The following ELMO1 variants were observed in gnomAD, a reference collection of about 807,000 sequenced individuals.
ELMO1 encodes the protein engulfment and cell motility 1, also known as engulfment and cell motility protein 1.
ELMO1 carries 26 observed loss-of-function variants against 98.9 expected under a neutral mutation model. The observed-to-expected ratio is 0.26, with a 90% CI of 0.19 to 0.36. ELMO1 has a LOEUF of 0.36. ELMO1 is among the 10% of genes least tolerant of loss of function. ELMO1 has a pLI of 1.00. For missense variants in ELMO1, 627 were observed against 935.2 expected (o/e 0.67, Z 4.30); for synonymous variants, 346 against 346.0 (o/e 1.00, Z 0.00).
At chr7:37,334,492 A>G (rs1280944302) in intron 2 of ELMO1, among the ~76,000 whole-genome samples, 1 of 152,180 alleles carries the variant, frequency 6.6e-6, no homozygotes, top group African/African-American at 2.4e-5. Context: ...TTGGTGTTAT[A>G]CAGTGCTGGA....
chr7:36,907,543 AC>A (rs1471891778), intron 16 of ELMO1, among the ~76,000 whole-genome samples: 1 of 152,140 alleles, frequency 6.6e-6, no homozygotes, highest in Non-Finnish European at 1.5e-5. Context: ...GAAGTCAGTG[AC>A]CCCAAGCAAG....
chr7:37,295,767 C>T (rs1797996494), intron 4 of ELMO1, among the ~76,000 whole-genome samples: 1 of 152,112 alleles, frequency 6.6e-6, no homozygotes, highest in Admixed American at 6.5e-5. Context: ...ATTGTATCAA[C>T]ATTAATATGT....
intron 16 of ELMO1, among the ~76,000 whole-genome samples, chr7:36,929,556 TGCTTTATGGTCTTCCA>T (rs1357932503): frequency 1.8e-4 from 28 of 152,340 alleles, no homozygotes; most frequent in African/African-American, 6.3e-4. Flanking sequence ...TTATTAAGCA[TGCTTTATGGTCTTCCA>T]GCTCAGTGTT....
intron 16 of ELMO1, among the ~76,000 whole-genome samples, chr7:36,938,794 G>A (rs889033337): frequency 1.6e-4 from 24 of 151,282 alleles, no homozygotes; most frequent in Admixed American, 4.6e-4. Context: ...TACCTAGAAT[G>A]TAAGGTCCAT....
At chr7:37,200,811 C>CA (rs1792249421) in intron 13 of ELMO1, among the ~76,000 whole-genome samples, 1 of 151,676 alleles carries the variant, frequency 6.6e-6, no homozygotes, top group African/African-American at 2.4e-5. Context: ...ACCACAAATA[C>CA]AAAAAAATAG....
chr7:37,291,144 G>A (rs1268771523), intron 4 of ELMO1, among the ~76,000 whole-genome samples: 1 of 152,026 alleles, frequency 6.6e-6, no homozygotes, highest in East Asian at 1.9e-4. Flanking sequence ...AATAAACAGT[G>A]GTAAGACAAC....
intron 13 of ELMO1, among the ~76,000 whole-genome samples, chr7:37,210,081 T>C (rs1384996105): frequency 6.6e-6 from 1 of 151,654 alleles, no homozygotes; most frequent in Non-Finnish European, 1.5e-5. Context: ...GAAACACTAC[T>C]GGAGAGAGTT....
chr7:37,188,525 T>TAAA (rs1294709913), intron 13 of ELMO1, among the ~76,000 whole-genome samples: 2 of 128,678 alleles, frequency 1.6e-5, no homozygotes, highest in Non-Finnish European at 3.3e-5. Context: ...ATAATAATAA[T>TAAA]AACTAAGAGC....
chr7:37,166,618 G>T (rs898252764), intron 13 of ELMO1, among the ~76,000 whole-genome samples: 12 of 152,138 alleles, frequency 7.9e-5, no homozygotes, highest in Non-Finnish European at 1.5e-4. Context: ...TCAGGAGCAG[G>T]TTGTTCAGTT....
At chr7:37,054,394 A>G (rs1450122615) in intron 15 of ELMO1, among the ~76,000 whole-genome samples, 1 of 152,198 alleles carries the variant, frequency 6.6e-6, no homozygotes, top group Admixed American at 6.5e-5. Flanking sequence ...TGCATAAGAC[A>G]TGGCCTGTAT....
chr7:37,307,112 T>C (rs1255515309), intron 4 of ELMO1, among the ~76,000 whole-genome samples: 1 of 152,240 alleles, frequency 6.6e-6, no homozygotes, highest in East Asian at 1.9e-4. Context: ...AATCCATTTC[T>C]CCTTCTTAAA....
intron 2 of ELMO1, among the ~76,000 whole-genome samples, chr7:37,331,895 A>G (rs1307403000): frequency 9.4e-6 from 1 of 106,712 alleles, no homozygotes; most frequent in Non-Finnish European, 1.9e-5. Context: ...TATGGGTTTG[A>G]GGTGGGAGGA....
intron 13 of ELMO1, among the ~76,000 whole-genome samples, chr7:37,165,163 T>C (rs985709827): frequency 1.3e-5 from 2 of 152,228 alleles, no homozygotes; most frequent in African/African-American, 2.4e-5. Context: ...ACAAGAATGC[T>C]TGTGATTTTT....
intron 13 of ELMO1, among the ~76,000 whole-genome samples, chr7:37,207,475 T>C (rs867399677): frequency 6.6e-6 from 1 of 151,504 alleles, no homozygotes; most frequent in Non-Finnish European, 1.5e-5. Context: ...TCCTTGAACC[T>C]GGGAGATGGA....
intron 15 of ELMO1, among the ~76,000 whole-genome samples, chr7:37,049,189 A>G (rs1014593346): frequency 3.3e-5 from 5 of 152,172 alleles, no homozygotes; most frequent in African/African-American, 1.2e-4. Flanking sequence ...CCTTGGACTC[A>G]GGACACAGCT....
intron 16 of ELMO1, among the ~76,000 whole-genome samples, chr7:37,005,107 C>CAAAAAAAAAAA (rs35665315): frequency 7.8e-5 from 3 of 38,284 alleles, no homozygotes; most frequent in Non-Finnish European, 1.2e-4. Context: ...GGCTCTGTCT[C>CAAAAAAAAAAA]AAAAAAAAAA....
intron 6 of ELMO1, among the ~76,000 whole-genome samples, chr7:37,254,883 G>A (rs183908700): frequency 2.6e-5 from 4 of 152,216 alleles, no homozygotes; most frequent in Non-Finnish European, 4.4e-5. Flanking sequence ...TGTATAATAC[G>A]TGTGCAACAT....
intron 16 of ELMO1, among the ~76,000 whole-genome samples, chr7:36,945,523 C>T (rs1386363095): frequency 2.0e-5 from 3 of 152,172 alleles, no homozygotes; most frequent in African/African-American, 7.2e-5. Flanking sequence ...AATGTCATTA[C>T]CTCAATCAGC....
At chr7:37,178,870 A>G (rs1790665080) in intron 13 of ELMO1, among the ~76,000 whole-genome samples, 1 of 152,188 alleles carries the variant, frequency 6.6e-6, no homozygotes, top group Non-Finnish European at 1.5e-5. Context: ...CATTAAAAAT[A>G]AGGAAAGACT....
Sources: gnomAD v4.1 joint callset for allele counts (sites outside exome capture counted in the v4.1 genomes callset) on GRCh38, gnomAD v4.1.1 for gene constraint, MANE v1.5 for transcripts, NCBI Gene and HGNC (gene_info 2026-07-23, HGNC 2026-07-21) for gene names.